Variants in PECR observed in about 807,000 individuals in gnomAD.
The protein encoded by PECR is peroxisomal trans-2-enoyl-CoA reductase.
Under a neutral mutation model 35.3 loss-of-function variants are expected in PECR, and 30 were observed. The observed-to-expected ratio is 0.85, with a 90% CI of 0.64 to 1.15. The LOEUF is 1.15. PECR is among the 50% of genes most tolerant of loss of function. PECR has a pLI of 0.00. For missense variants in PECR, 392 were observed against 370.8 expected (o/e 1.06, Z -0.47); for synonymous variants, 148 against 138.9 (o/e 1.07, Z -0.46).
chr2:216,043,859 T>C (rs767838655), intron 7 of PECR, 45 bp downstream of exon 7: 1 of 1,003,684 alleles, frequency 1.0e-6, no homozygotes, highest in Non-Finnish European at 1.6e-6. Flanking sequence ...CCCCTGAACA[T>C]GACACAGCAT....
At chr2:216,033,955 A>G (rs1694752111), downstream of PECR, 1 of 152,248 alleles carries the variant, frequency 6.6e-6, no homozygotes, top group Non-Finnish European at 1.5e-5. Context: ...GTTTTGACGT[A>G]GCATACCTTT....
intron 1 of PECR, among the ~76,000 whole-genome samples, chr2:216,069,018 T>C (rs190260471): frequency 2.0e-5 from 3 of 152,220 alleles, no homozygotes; most frequent in Admixed American, 1.3e-4. Flanking sequence ...AATAGCACAA[T>C]GGCTAAGAAG....
intron 1 of PECR, among the ~76,000 whole-genome samples, chr2:216,076,285 A>G (rs1695695706): frequency 6.6e-6 from 1 of 152,124 alleles, no homozygotes; most frequent in Non-Finnish European, 1.5e-5. Flanking sequence ...CTCCGCCTTC[A>G]GAGTTCAAGC....
chr2:216,069,453 T>G (rs149257287), intron 1 of PECR, among the ~76,000 whole-genome samples: 284 of 152,272 alleles, frequency 1.9e-3, no homozygotes, highest in African/African-American at 6.6e-3. Flanking sequence ...TTTGTAACAC[T>G]GGAAGCGAAA....
At chr2:216,042,475 C>A (rs6755934) in intron 7 of PECR, among the ~76,000 whole-genome samples, 109,794 of 152,142 alleles carry the variant, frequency 0.72, 39,771 homozygotes, top group African/African-American at 0.76. Flanking sequence ...CATCAACCAT[C>A]TATTAATTTG....
intron 1 of PECR, among the ~76,000 whole-genome samples, chr2:216,070,453 G>A (rs1225407515): frequency 6.6e-6 from 1 of 152,218 alleles, no homozygotes; most frequent in Non-Finnish European, 1.5e-5. Flanking sequence ...TCTCCCCAGT[G>A]AAACTGGTCT....
At position 216,059,273 on chromosome 2, in the gene PECR, G is replaced by A. The variant is rs181961701; in HGVS notation, c.425-297C>T. Among the ~76,000 whole-genome samples, 20 of 152,190 alleles carry A rather than the reference G, an allele frequency of 1.3e-4. No individual in the cohort carries two copies. The East Asian group carries it at 2.5e-3, about 19-fold the overall frequency. ...CCATCTGCAGCTTAACCCATCCCCA[G>A]GTAAACACTCATCTTTCTGTTTCTC... On this transcript the variant is annotated intron_variant, in intron 3 of 7. Transcript: ENST00000265322.
rs189357426 is a variant in PECR, at chr2:216,072,143, C to T, written c.125-5625G>A. On this transcript the variant is annotated intron_variant, in intron 1 of 7. Coordinates refer to ENST00000265322, the MANE Select transcript of PECR (RefSeq NM_018441.6). ...TGATACAGTTATAGGCTGTTTTCACCCTAATACAGCATTTCACTGTATCAT... is the reference window on the plus strand; with the variant it reads ...TGATACAGTTATAGGCTGTTTTCACTCTAATACAGCATTTCACTGTATCAT... 1.6e-3 allele frequency among the ~76,000 whole-genome samples: 242 copies of T among 152,180 alleles called. 1 individual carries two copies. In the Middle Eastern group the frequency reaches 0.02, roughly 13 times the overall value.
downstream of PECR, among the ~76,000 whole-genome samples, chr2:216,034,382 C>A (rs1367514929): frequency 6.6e-6 from 1 of 152,208 alleles, no homozygotes; most frequent in Non-Finnish European, 1.5e-5. Flanking sequence ...TGGCCTGTGA[C>A]AAGCACAGCC....
At chr2:216,049,199 CT>C (rs983613287) in intron 6 of PECR, 63 bp downstream of exon 6, 1 of 843,622 alleles carries the variant, frequency 1.2e-6, no homozygotes, top group Non-Finnish European at 2.1e-6. Context: ...AAAAATGACA[CT>C]GAATTACAAA....
chr2:216,051,961 C>T (rs548331960), intron 4 of PECR, among the ~76,000 whole-genome samples: 51 of 152,230 alleles, frequency 3.4e-4, no homozygotes, highest in African/African-American at 1.2e-3. Flanking sequence ...CCAAGGCGGG[C>T]GGATCACCTG....
chr2:216,055,287 A>G (rs909217645), intron 4 of PECR, among the ~76,000 whole-genome samples: 5 of 148,758 alleles, frequency 3.4e-5, no homozygotes, highest in Non-Finnish European at 6.0e-5. Context: ...AAAATACTAA[A>G]TTAGCCGGGC....
At chr2:216,074,940 T>A (rs1336841551) in intron 1 of PECR, among the ~76,000 whole-genome samples, 1 of 152,188 alleles carries the variant, frequency 6.6e-6, no homozygotes, top group Non-Finnish European at 1.5e-5. Context: ...TGGAATACTA[T>A]GCAGCTTTAA....
chr2:216,065,190 A>G (rs1695438370), intron 3 of PECR, 122 bp downstream of exon 3: 2 of 784,146 alleles, frequency 2.6e-6, no homozygotes, highest in South Asian at 2.7e-5. Flanking sequence ...TTACATTCCT[A>G]TGTTGTAAGT....
chr2:216,080,661 T>C (rs2105973973), intron 1 of PECR, among the ~76,000 whole-genome samples: 1 of 152,328 alleles, frequency 6.6e-6, no homozygotes, highest in South Asian at 2.1e-4. Flanking sequence ...ACACTTTAAT[T>C]TTTCCCAACA....
At chr2:216,057,259 A>G (rs1361522224) in intron 4 of PECR, among the ~76,000 whole-genome samples, 2 of 152,194 alleles carry the variant, frequency 1.3e-5, no homozygotes, top group Admixed American at 6.5e-5. Context: ...GGTTTTGGTA[A>G]TAACAAAAGG....
chr2:216,044,849 A>T (rs1292028381), intron 6 of PECR, among the ~76,000 whole-genome samples: 103 of 152,178 alleles, frequency 6.8e-4, no homozygotes, highest in Non-Finnish European at 4.4e-4. Context: ...CTCTCACTTG[A>T]GGCTGTGGGA....
At chr2:216,045,027 G>A (rs1486284515) in intron 6 of PECR, among the ~76,000 whole-genome samples, 1 of 152,200 alleles carries the variant, frequency 6.6e-6, no homozygotes, top group Non-Finnish European at 1.5e-5. Flanking sequence ...GGCAGGGCCA[G>A]GACTAGGGTG....
chr2:216,061,129 CAAAAA>C (rs151215904), intron 3 of PECR, among the ~76,000 whole-genome samples: 54 of 52,404 alleles, frequency 1.0e-3, no homozygotes, highest in African/African-American at 3.8e-3. Flanking sequence ...CCGGCTCTAC[CAAAAA>C]AAAAAAAAAA....
Sources: gnomAD v4.1 joint callset for allele counts (sites outside exome capture counted in the v4.1 genomes callset) on GRCh38, gnomAD v4.1.1 for gene constraint, MANE v1.5 for transcripts, NCBI Gene and HGNC (gene_info 2026-07-23, HGNC 2026-07-21) for gene names.